Variants in PCDHAC2 observed in about 807,000 individuals in gnomAD.
The protein encoded by PCDHAC2 is protocadherin alpha subfamily C, 2.
A neutral mutation model predicts 63.3 loss-of-function variants in PCDHAC2; 24 were observed. The ratio of observed to expected loss-of-function variants is 0.38; its 90% CI spans 0.27 to 0.53. The LOEUF is 0.53. Among genes scored for constraint, PCDHAC2 ranks in the 20% least tolerant of loss-of-function variants. PCDHAC2 has a pLI of 0.81. For synonymous variants in PCDHAC2, 569 were observed against 529.4 expected, an observed-to-expected ratio of 1.07 and a Z score of -1.03; for missense variants, 1,181 against 1,275.2, an observed-to-expected ratio of 0.93 and a Z score of 1.12.
Position 140,968,067 on chromosome 5 carries a change from T to G in PCDHAC2, c.1301T>G (p.Val434Gly). Residue 434 changes from valine (V) to glycine (G), a missense_variant, in exon 1 of 4, where the codon GTC becomes GGC. Physicochemically the swap from Val to Gly is moderately radical, Grantham distance 109 (BLOSUM62 -3). Around this residue, in one of 3 missense-constraint regions of PCDHAC2, gnomAD observed 968 missense variants for 1,073.5 expected, o/e 0.90. Coordinates refer to ENST00000289269, the MANE Select transcript of PCDHAC2 (RefSeq NM_018899.6). ...CCACTGGACCGAGAGCGGGTGGCTG[T>G]CTACAACATCACGGTGACAGCCACA... ...SGPLDRERVAVYNITVTATDG... is the reference protein window; with the variant it reads ...SGPLDRERVAGYNITVTATDG... 6.2e-7 allele frequency: 1 copy of G among 1,614,082 alleles called. No individual in the cohort carries two copies. The highest frequency in any genetic ancestry group is 8.5e-7 in the Non-Finnish European group (1 of 1,180,014).
chr5:141,004,682 T>G (rs1002761253), intron 3 of PCDHAC2, among the ~76,000 whole-genome samples: 2 of 152,184 alleles, frequency 1.3e-5, no homozygotes, highest in South Asian at 4.1e-4. Flanking sequence ...TGTGGAGTGG[T>G]GCTGAAACCC....
intron 1 of PCDHAC2, among the ~76,000 whole-genome samples, chr5:140,978,500 G>T (rs1480843119): frequency 2.0e-5 from 3 of 152,228 alleles, no homozygotes; most frequent in Non-Finnish European, 2.9e-5. Context: ...GCAGCAGATT[G>T]CAGTCCTCTG....
chr5:140,997,675 TG>T (rs1554255972), intron 3 of PCDHAC2, among the ~76,000 whole-genome samples: 41 of 151,686 alleles, frequency 2.7e-4, no homozygotes, highest in African/African-American at 9.7e-4. Flanking sequence ...AGCTTGTGTG[TG>T]TGTGTGTGTG....
At chr5:141,001,975 G>C (rs900969211) in intron 3 of PCDHAC2, among the ~76,000 whole-genome samples, 8 of 152,184 alleles carry the variant, frequency 5.3e-5, no homozygotes, top group African/African-American at 1.9e-4. Flanking sequence ...GTCTCTGCGC[G>C]GAAAGCCTGG....
rs985147302 is a variant in PCDHAC2, at chr5:140,967,321, C to T, written c.555C>T (p.Tyr185=). 12 of 1,609,430 alleles carry T rather than the reference C, an allele frequency of 7.5e-6. No individual in the cohort carries two copies. The highest frequency in any genetic ancestry group is 1.0e-5 in the Non-Finnish European group (12 of 1,176,860). ...PDVGANSVQT[Y]ELSPSEHFEL... is the part of the protein sequence containing the mutation. ...TGGGCGCCAACTCAGTACAGACCTA[C>T]GAGCTCAGCCCCAGCGAGCACTTCG... The change falls in exon 1 of 4, where the codon TAC becomes TAT. Residue 185 remains tyrosine (Y), a synonymous_variant. Transcript: ENST00000289269.
chr5:141,010,545 A>G lies in PCDHAC2; in HGVS notation c.*608A>G. On this transcript the variant is annotated 3_prime_UTR_variant, in exon 4 of 4. Coordinates refer to ENST00000289269, the MANE Select transcript of PCDHAC2 (RefSeq NM_018899.6). ...GGTGGCAGCCACCCTCTAGGAGACAAAACTACCCCCACTGACAAGGCTTTA... is the reference window on the plus strand; with the variant it reads ...GGTGGCAGCCACCCTCTAGGAGACAGAACTACCCCCACTGACAAGGCTTTA... 1 of 343,382 alleles carries G rather than the reference A, an allele frequency of 2.9e-6. No individual in the cohort carries two copies. 21.3% of individuals were successfully genotyped at this position (343,382 alleles called of 1,614,324 possible).
intron 3 of PCDHAC2, among the ~76,000 whole-genome samples, chr5:141,006,960 G>A (rs1183082923): frequency 6.6e-6 from 1 of 152,184 alleles, no homozygotes; most frequent in Non-Finnish European, 1.5e-5. Flanking sequence ...TTATACATGA[G>A]ATTGGAGCAC....
In PCDHAC2 at chr5:140,981,687, ATCATTCATTCAT is replaced by A. The variant is rs200213847; in HGVS notation, c.2625-771_2625-760del. Among the ~76,000 whole-genome samples the A allele has an allele frequency of 3.0e-3, 453 of 152,088 alleles. 7 individuals are homozygous for A. In the East Asian group the frequency reaches 0.044, roughly 15 times the overall value. Reference sequence around the variant, plus strand: ...CTTCCTTTCTTCCTTCCTCCCTTCCATCATTCATTCATTCATTCATTCATTCATCCAACAAAT... The same window carrying A: ...CTTCCTTTCTTCCTTCCTCCCTTCCATCATTCATTCATTCATCCAACAAAT... On this transcript the variant is annotated intron_variant, in intron 2 of 3. Transcript: ENST00000289269.
Position 140,966,641 on chromosome 5 carries a change from A to C in PCDHAC2, c.-126A>C. On this transcript the variant is annotated 5_prime_UTR_variant, in exon 1 of 4. The change abolishes the stop of an existing upstream ORF in the 5' untranslated region. Transcript: ENST00000289269. ...GAGGGAGCGGCCCCAGGCGCTTTCT[A>C]GAGCGTGAGCGGTGGGGGAGCAGGC... The C allele has an allele frequency of 4.5e-6, 5 of 1,104,534 alleles. No homozygotes were observed. Among genetic ancestry groups the C allele is most frequent in the Non-Finnish European group, 6.0e-6 (5 of 834,718 alleles). The allele number at this position is 1,104,534 out of a possible 1,614,324, so 68.4% of individuals were successfully genotyped here. A position where few individuals can be genotyped will look rare whatever the true frequency, so the allele number is the denominator to read the frequency against.
chr5:140,995,956 G>A (rs1480673532), intron 3 of PCDHAC2, among the ~76,000 whole-genome samples: 1 of 152,214 alleles, frequency 6.6e-6, no homozygotes, highest in African/African-American at 2.4e-5. Flanking sequence ...CACGCAAAAT[G>A]CTTAGAACCA....
chr5:140,982,267 A>T, intron 2 of PCDHAC2: 4 of 883,458 alleles, frequency 4.5e-6, no homozygotes, highest in Non-Finnish European at 6.5e-6. Context: ...GTGTTCCTGG[A>T]ATAGTATAGC....
intron 3 of PCDHAC2, among the ~76,000 whole-genome samples, chr5:141,006,751 G>A (rs1369409000): frequency 2.0e-5 from 3 of 152,166 alleles, no homozygotes; most frequent in Non-Finnish European, 4.4e-5. Flanking sequence ...ATTATAAATG[G>A]AGAATGAAGA....
intron 3 of PCDHAC2, among the ~76,000 whole-genome samples, chr5:141,009,356 G>T (rs535761188): frequency 7.9e-5 from 12 of 152,204 alleles, no homozygotes; most frequent in Non-Finnish European, 1.6e-4. Context: ...CTACTTGGGA[G>T]GCTAAGATGG....
chr5:141,010,432 CAA>C lies in PCDHAC2; in HGVS notation c.*497_*498del. The C allele has an allele frequency of 8.5e-6, 9 of 1,056,970 alleles. No individual in the cohort carries two copies. The highest frequency in any genetic ancestry group is 1.2e-5 in the Non-Finnish European group (9 of 756,282). 65.5% of individuals were successfully genotyped at this position (1,056,970 alleles called of 1,614,324 possible). A position where few individuals can be genotyped will look rare whatever the true frequency, so the allele number is the denominator to read the frequency against. On this transcript the variant is annotated 3_prime_UTR_variant, in exon 4 of 4. Coordinates refer to ENST00000289269, the MANE Select transcript of PCDHAC2 (RefSeq NM_018899.6). Reference sequence around the variant, plus strand: ...AATTGGTACAAGGAAGGCAAGAAAACAAAGACAAATAAACAGCGGAAGTTATC... The same window carrying C: ...AATTGGTACAAGGAAGGCAAGAAAACAGACAAATAAACAGCGGAAGTTATC...
At chr5:141,008,502 G>A (rs539439181) in intron 3 of PCDHAC2, among the ~76,000 whole-genome samples, 2 of 152,110 alleles carry the variant, frequency 1.3e-5, no homozygotes, top group South Asian at 4.2e-4. Context: ...TATACTTTAT[G>A]GTGTGTCTTC....
Position 140,967,315 on chromosome 5 carries a change from G to A in PCDHAC2, c.549G>A (p.Gln183=), listed in dbSNP as rs1554229427. 1 of 1,610,854 alleles carries A rather than the reference G, an allele frequency of 6.2e-7. No individual in the cohort carries two copies. The highest frequency in any genetic ancestry group is 1.3e-5 in the African/African-American group (1 of 74,876). ...QDPDVGANSV[Q]TYELSPSEHF... is the part of the protein sequence containing the mutation. ...CCGACGTGGGCGCCAACTCAGTACA[G>A]ACCTACGAGCTCAGCCCCAGCGAGC... The change falls in exon 1 of 4, where the codon CAG becomes CAA. Residue 183 remains glutamine, a synonymous_variant. Coordinates refer to ENST00000289269, the MANE Select transcript of PCDHAC2 (RefSeq NM_018899.6).
At chr5:141,007,156 G>A (rs1289202250) in intron 3 of PCDHAC2, among the ~76,000 whole-genome samples, 2 of 152,148 alleles carry the variant, frequency 1.3e-5, no homozygotes, top group Non-Finnish European at 1.5e-5. Context: ...AACTGTCAAA[G>A]AACAGTCAGA....
At chr5:140,984,633 T>G (rs2097112196) in intron 3 of PCDHAC2, among the ~76,000 whole-genome samples, 1 of 152,206 alleles carries the variant, frequency 6.6e-6, no homozygotes, top group African/African-American at 2.4e-5. Flanking sequence ...AAAGGGATTC[T>G]CTGCCTTCTC....
intron 1 of PCDHAC2, among the ~76,000 whole-genome samples, chr5:140,978,488 C>T (rs1453613410): frequency 6.6e-6 from 1 of 152,224 alleles, no homozygotes; most frequent in Non-Finnish European, 1.5e-5. Flanking sequence ...TCTGCAAAGC[C>T]AGCAGCAGAT....
Sources: allele counts gnomAD v4.1 joint callset (sites outside exome capture counted in the v4.1 genomes callset), GRCh38; gene constraint gnomAD v4.1.1; regional missense constraint gnomAD v4.1.1; transcripts MANE v1.5; gene names NCBI Gene and HGNC (gene_info 2026-07-23, HGNC 2026-07-21).